The following DDX31 variants were observed in gnomAD, a reference collection of about 807,000 sequenced individuals.
DDX31 encodes DEAD-box helicase 31.
A neutral mutation model predicts 91.3 loss-of-function variants in DDX31; 70 were observed. The observed-to-expected ratio is 0.77, with a 90% CI of 0.63 to 0.94. The LOEUF is 0.94. DDX31 is among the 40% of genes least tolerant of loss of function. The probability of loss-of-function intolerance (pLI) is 0.00; values close to 1 mark genes in which losing one functional copy is unlikely to be tolerated. For missense variants in DDX31, 902 were observed against 925.0 expected (o/e 0.98, Z 0.32); for synonymous variants, 362 against 350.6 (o/e 1.03, Z -0.36).
chr9:132,611,474 A>T (rs1831335920), intron 19 of DDX31, among the ~76,000 whole-genome samples: 1 of 152,168 alleles, frequency 6.6e-6, no homozygotes, highest in Admixed American at 6.5e-5. Flanking sequence ...CAGCACTGGG[A>T]AAACAGACTC....
Position 132,594,724 on chromosome 9 carries a change from G to A in DDX31, c.*142C>T. 1 of 1,370,144 alleles carries A rather than the reference G, an allele frequency of 7.3e-7. No individual in the cohort carries two copies. 84.9% of individuals were successfully genotyped at this position (1,370,144 alleles called of 1,614,324 possible). A position where few individuals can be genotyped will look rare whatever the true frequency, so the allele number is the denominator to read the frequency against. On this transcript the variant is annotated 3_prime_UTR_variant, in exon 20 of 20. Coordinates refer to ENST00000372159, the MANE Select transcript of DDX31 (RefSeq NM_022779.9). ...TCCAGGGCCTCCCATGGAGGAGAAG[G>A]GCTGTGGCCCCTCTGATTCTTGGGG...
intron 1 of DDX31, among the ~76,000 whole-genome samples, chr9:132,663,855 T>A (rs1267959351): frequency 6.6e-6 from 1 of 152,198 alleles, no homozygotes; most frequent in Non-Finnish European, 1.5e-5. Flanking sequence ...TTACAAAATC[T>A]CAAGTTTATG....
At position 132,638,017 on chromosome 9, in the gene DDX31, G is replaced by A. The variant is rs995807916; in HGVS notation, c.1440+3987C>T. The A allele has an allele frequency of 1.4e-5, 16 of 1,132,560 alleles. No homozygotes were observed. The Admixed American group carries it at 2.2e-4, about 16-fold the overall frequency. 70.2% of individuals were successfully genotyped at this position (1,132,560 alleles called of 1,614,324 possible). ...ACAGACAGAACAGTATGCTTCAAGC[G>A]GAAAAAAATACGGAGAAGGTGGAGG... is the stretch of plus-strand genomic sequence containing the variant. On this transcript the variant is annotated intron_variant, in intron 14 of 19. Coordinates refer to ENST00000372159, the MANE Select transcript of DDX31 (RefSeq NM_022779.9).
rs199938470 is a variant in DDX31 at position 132,647,403 on chromosome 9, T to C, written c.968-345A>G. 5.3e-5 allele frequency among the ~76,000 whole-genome samples: 8 copies of C among 152,304 alleles called. No individual in the cohort carries two copies. In the East Asian group the frequency reaches 1.5e-3, roughly 29 times the overall value. ...AAAGGTTTCACAAAAGCGTTTTTGC[T>C]ATAAGCAGCCCTCTCAGGGCCTTTA... On this transcript the variant is annotated intron_variant, in intron 11 of 19. Coordinates refer to ENST00000372159, the MANE Select transcript of DDX31 (RefSeq NM_022779.9).
At chr9:132,669,189 G>A (rs1450541728) in intron 1 of DDX31, among the ~76,000 whole-genome samples, 1 of 152,106 alleles carries the variant, frequency 6.6e-6, no homozygotes, top group Non-Finnish European at 1.5e-5. Context: ...GATTGGGAGG[G>A]CCTGGAAGAA....
intron 18 of DDX31, among the ~76,000 whole-genome samples, chr9:132,613,412 G>A (rs1324369136): frequency 2.6e-5 from 4 of 152,198 alleles, no homozygotes; most frequent in Non-Finnish European, 4.4e-5. Flanking sequence ...TAAGAAGAGC[G>A]GCCGGGCGCG....
intron 19 of DDX31, among the ~76,000 whole-genome samples, chr9:132,598,616 C>A (rs1261491528): frequency 6.6e-6 from 1 of 152,236 alleles, no homozygotes; most frequent in East Asian, 1.9e-4. Flanking sequence ...AGAGAGATCG[C>A]AGGGCCTTCT....
Position 132,595,633 on chromosome 9 carries a change from G to A in DDX31, c.1995-521C>T, listed in dbSNP as rs531091327. 6.6e-6 allele frequency among the ~76,000 whole-genome samples: 1 copy of A among 152,306 alleles called. No individual in the cohort carries two copies. The highest frequency in any genetic ancestry group is 2.4e-5 in the African/African-American group (1 of 41,570). Reference sequence around the variant, plus strand: ...TCCAGGGTTCCACAGTGAAGGCTGGGATGACAGCCAGATAGCTCTTTATGA... The same window carrying A: ...TCCAGGGTTCCACAGTGAAGGCTGGAATGACAGCCAGATAGCTCTTTATGA... On this transcript the variant is annotated intron_variant, in intron 19 of 19. Coordinates refer to ENST00000372159, the MANE Select transcript of DDX31 (RefSeq NM_022779.9). The surrounding 1 kb of genome is among the most constrained non-coding windows in gnomAD (Gnocchi z 4.6).
intron 14 of DDX31, among the ~76,000 whole-genome samples, chr9:132,635,685 C>G (rs377037768): frequency 4.2e-5 from 6 of 141,592 alleles, no homozygotes; most frequent in African/African-American, 1.6e-4. Flanking sequence ...GTGGCTCACA[C>G]CTATAATCCC....
chr9:132,653,887 G>A (rs1476142583), intron 6 of DDX31, among the ~76,000 whole-genome samples: 1 of 150,810 alleles, frequency 6.6e-6, no homozygotes, highest in Non-Finnish European at 1.5e-5. Context: ...AAAAACATCA[G>A]ATGTTAAAAT....
chr9:132,597,864 T>G (rs994715579), intron 19 of DDX31, among the ~76,000 whole-genome samples: 49 of 152,162 alleles, frequency 3.2e-4, no homozygotes, highest in African/African-American at 1.1e-3. Context: ...GTGCGTACAT[T>G]GCGCCACTGA....
Position 132,595,003 on chromosome 9 carries a change from C to A in DDX31, c.2104G>T (p.Ala702Ser), listed in dbSNP as rs751295139. ...ADIAKVKKQN[A>S]PGEPGGRPLQ... ...GGCCGGCCACCAGGCTCTCCAGGTG[C>A]GTTTTGCTTTTTGACCTTGGCGATG... is the stretch of plus-strand genomic sequence containing the variant. Residue 702 changes from alanine (A) to serine (S), a missense_variant, in exon 20 of 20, where the codon GCA becomes TCA. Transcript: ENST00000372159. This position sits in a 1 kb window ranked among gnomAD's most constrained non-coding sequence, Gnocchi z 4.6. 1 of 1,614,204 alleles carries A rather than the reference C, an allele frequency of 6.2e-7. No homozygotes were observed. Among genetic ancestry groups the A allele is most frequent in the Non-Finnish European group, 8.5e-7 (1 of 1,180,040 alleles).
At chr9:132,646,748 T>C (rs561540842) in intron 12 of DDX31, 75 bp downstream of exon 12, 2 of 1,455,050 alleles carry the variant, frequency 1.4e-6, no homozygotes, top group East Asian at 4.6e-5. Context: ...TCTCAACTCA[T>C]TGCTCCCAAT....
chr9:132,610,319 A>C (rs565146195), intron 19 of DDX31, among the ~76,000 whole-genome samples: 2 of 152,374 alleles, frequency 1.3e-5, no homozygotes, highest in African/African-American at 4.8e-5. Context: ...GAACCAGCAA[A>C]GGACACGTCC....
intron 9 of DDX31, among the ~76,000 whole-genome samples, chr9:132,648,939 C>T (rs1486910098): frequency 1.3e-5 from 2 of 152,176 alleles, no homozygotes; most frequent in Non-Finnish European, 2.9e-5. Context: ...TGCCAATGTG[C>T]TCCAATTGCT....
chr9:132,645,774 T>C (rs1833791036), intron 13 of DDX31, 121 bp downstream of exon 13: 2 of 1,093,684 alleles, frequency 1.8e-6, no homozygotes, highest in Admixed American at 2.9e-5. Context: ...ACTTGCCCAG[T>C]GGAGTGTGCA....
rs1259785966 is a variant in DDX31 at position 132,595,783 on chromosome 9, G to C, written c.1995-671C>G. ...GCAGCCCACACAAACCCGGGTGTTA[G>C]AGGGAGGTCTCTCCCTACCCTAAGT... On this transcript the variant is annotated intron_variant, in intron 19 of 19. Coordinates refer to ENST00000372159, the MANE Select transcript of DDX31 (RefSeq NM_022779.9). The surrounding 1 kb of genome is among the most constrained non-coding windows in gnomAD (Gnocchi z 4.6). 6.6e-6 allele frequency among the ~76,000 whole-genome samples: 1 copy of C among 152,206 alleles called. No individual in the cohort carries two copies.
intron 19 of DDX31, among the ~76,000 whole-genome samples, chr9:132,607,885 G>A (rs1420612894): frequency 6.6e-6 from 1 of 152,164 alleles, no homozygotes; most frequent in Non-Finnish European, 1.5e-5. Context: ...TTTCCACAGA[G>A]TGGCAGCGAA....
At chr9:132,639,262 C>A (rs1046187640) in intron 14 of DDX31, among the ~76,000 whole-genome samples, 3 of 152,132 alleles carry the variant, frequency 2.0e-5, no homozygotes, top group Non-Finnish European at 4.4e-5. Flanking sequence ...AAGCGAAGAA[C>A]TTCCCACGAC....
Sources: allele counts gnomAD v4.1 joint callset (sites outside exome capture counted in the v4.1 genomes callset), GRCh38; gene constraint gnomAD v4.1.1; non-coding constraint Gnocchi (gnomAD v3.1); transcripts MANE v1.5; gene names NCBI Gene and HGNC (gene_info 2026-07-23, HGNC 2026-07-21).